The following APOBEC3B variants were observed in gnomAD, a reference collection of about 807,000 sequenced individuals.
APOBEC3B encodes the protein DNA dC->dU-editing enzyme APOBEC-3B.
A neutral mutation model predicts 53.4 loss-of-function variants in APOBEC3B; 29 were observed. The observed-to-expected ratio is 0.54, with a 90% CI of 0.40 to 0.74. The LOEUF (loss-of-function observed/expected upper bound fraction) is 0.74, where lower values mean the gene tolerates loss of function less well. APOBEC3B is among the 30% of genes least tolerant of loss of function. The pLI is 0.00. For missense variants in APOBEC3B, 347 were observed against 496.2 expected, an observed-to-expected ratio of 0.70 and a Z score of 2.86; for synonymous variants, 132 against 184.8, an observed-to-expected ratio of 0.71 and a Z score of 2.32.
intron 4 of APOBEC3B, among the ~76,000 whole-genome samples, chr22:38,988,750 T>TTTC (rs1312877921): frequency 7.1e-6 from 1 of 140,106 alleles, no homozygotes; most frequent in Non-Finnish European, 1.5e-5. Context: ...TCTTTCTTCC[T>TTTC]TTCTTCTCTC....
chr22:38,989,827 C>A (rs1923920944), intron 5 of APOBEC3B, among the ~76,000 whole-genome samples: 1 of 148,482 alleles, frequency 6.7e-6, no homozygotes, highest in African/African-American at 2.5e-5. Context: ...CAAAGTGCTT[C>A]CTGAGGACCC....
Position 38,983,162 on chromosome 22 carries a change from A to G in APOBEC3B, c.17+692A>G, listed in dbSNP as rs2078646436. ...TGAAACCCCGTCTCTACTAAAAAACATACAAAAATTAGCCAGGCATGGTGG... is the reference window on the plus strand; with the variant it reads ...TGAAACCCCGTCTCTACTAAAAAACGTACAAAAATTAGCCAGGCATGGTGG... On this transcript the variant is annotated intron_variant, in intron 1 of 7. Transcript: ENST00000333467. Among the ~76,000 whole-genome samples, 2 of 148,042 alleles carry G rather than the reference A, an allele frequency of 1.4e-5. 1 individual carries two copies. Among genetic ancestry groups the G allele is most frequent in the Admixed American group, 1.4e-4 (2 of 14,368 alleles).
intron 5 of APOBEC3B, among the ~76,000 whole-genome samples, chr22:38,990,078 T>C (rs1330176316): frequency 3.8e-5 from 2 of 52,860 alleles, no homozygotes; most frequent in Non-Finnish European, 7.3e-5. Flanking sequence ...TGGCCAGCAG[T>C]TGGGGAAGAA....
At chr22:38,982,574 G>A in intron 1 of APOBEC3B, 104 bp downstream of exon 1, 1 of 1,409,702 alleles carries the variant, frequency 7.1e-7, no homozygotes, top group African/African-American at 1.4e-5. Context: ...CCCAGCCCTG[G>A]GCTCCCTCCC....
rs889211924 is a variant in APOBEC3B, at chr22:38,983,508, C to T, written c.18-567C>T. On this transcript the variant is annotated intron_variant, in intron 1 of 7. Coordinates refer to ENST00000333467, the MANE Select transcript of APOBEC3B (RefSeq NM_004900.5). ...CCTGGAAAGGGGCCCCTGCTCCATC[C>T]GTCCCCAGCTCTGTGGCCTCGGCAG... is the stretch of plus-strand genomic sequence containing the variant. Among the ~76,000 whole-genome samples the T allele has an allele frequency of 1.3e-4, 19 of 148,502 alleles. 1 individual carries two copies. The highest frequency in any genetic ancestry group is 1.1e-3 in the South Asian group (5 of 4,522).
At chr22:38,987,647 C>G (rs941746016) in intron 4 of APOBEC3B, among the ~76,000 whole-genome samples, 3 of 148,396 alleles carry the variant, frequency 2.0e-5, no homozygotes, top group Non-Finnish European at 1.5e-5. Flanking sequence ...GGTCTCTGTA[C>G]CAGAAAATAA....
In APOBEC3B at chr22:38,989,630, G is replaced by A. The variant is rs1318325640; in HGVS notation, c.723+20G>A. 1.3e-6 allele frequency: 2 copies of A among 1,551,122 alleles called. No individual in the cohort carries two copies. The highest frequency in any genetic ancestry group is 2.6e-5 in the East Asian group (1 of 39,018). ...AACGAGGTGACCGACCCAGCCACCT[G>A]CATCCAGGCAGGGCCCTCCCAATCC... On this transcript the variant is annotated intron_variant, in intron 5 of 7. Coordinates refer to ENST00000333467, the MANE Select transcript of APOBEC3B (RefSeq NM_004900.5).
Position 38,986,325 on chromosome 22 carries a change from T to G in APOBEC3B, c.482T>G (p.Val161Gly). 6.3e-7 allele frequency: 1 copy of G among 1,593,742 alleles called. No homozygotes were observed. Among genetic ancestry groups the G allele is most frequent in the South Asian group, 1.1e-5 (1 of 88,792 alleles). The stretch of plus-strand genomic sequence containing the variant: ...TTTGCATACTGCTGGGAAAACTTTG[T>G]GTACAATGAAGGTCAGCAATTCATG... ...EEFAYCWENF[V>G]YNEGQQFMPW... Residue 161 changes from valine to glycine, a missense_variant, in exon 4 of 8, where the codon GTG becomes GGG. Coordinates refer to ENST00000333467, the MANE Select transcript of APOBEC3B (RefSeq NM_004900.5).
At chr22:38,987,845 C>T (rs753319856) in intron 4 of APOBEC3B, among the ~76,000 whole-genome samples, 2 of 148,458 alleles carry the variant, frequency 1.3e-5, no homozygotes, top group Non-Finnish European at 3.0e-5. Flanking sequence ...GCCTATAATC[C>T]TAGCTCTTTG....
At chr22:38,989,311 C>T (rs1923893458) in intron 4 of APOBEC3B, 146 bp from the exon 5 acceptor site, 1 of 674,084 alleles carries the variant, frequency 1.5e-6, no homozygotes, top group Non-Finnish European at 2.3e-6. Context: ...GGATCAGTGG[C>T]CCCCACAAAG....
chr22:38,988,681 T>TTCTCTCTTTCTCTCTCTCTC (rs58110435), intron 4 of APOBEC3B, among the ~76,000 whole-genome samples: 3 of 63,628 alleles, frequency 4.7e-5, no homozygotes, highest in African/African-American at 6.3e-5. Flanking sequence ...CTTTCTCTCT[T>TTCTCTCTTTCTCTCTCTCTC]TCTCTTTCTT....
intron 4 of APOBEC3B, among the ~76,000 whole-genome samples, chr22:38,988,396 G>A (rs1923822197): frequency 6.7e-6 from 1 of 148,858 alleles, no homozygotes; most frequent in African/African-American, 2.4e-5. Context: ...CTTTAAATGA[G>A]CATCTACTAT....
chr22:38,985,060 C>T (rs1193160881), intron 2 of APOBEC3B, among the ~76,000 whole-genome samples: 1 of 147,424 alleles, frequency 6.8e-6, no homozygotes, highest in Non-Finnish European at 1.5e-5. Flanking sequence ...TGCCACCACG[C>T]CCAGTTAATT....
At chr22:38,992,211 T>A (rs5757414) in intron 7 of APOBEC3B, 62 bp downstream of exon 7, 2 of 1,527,694 alleles carry the variant, frequency 1.3e-6, no homozygotes, top group South Asian at 2.4e-5. Flanking sequence ...CGCTCCCCTG[T>A]GCCTTGCCTT....
At chr22:38,983,044 C>A (rs1428522521) in intron 1 of APOBEC3B, among the ~76,000 whole-genome samples, 3 of 148,262 alleles carry the variant, frequency 2.0e-5, no homozygotes, top group African/African-American at 7.4e-5. Flanking sequence ...AGTGGTTGAG[C>A]GTGGTGGCTC....
At chr22:38,986,687 C>CGCT (rs1446018380) in intron 4 of APOBEC3B, among the ~76,000 whole-genome samples, 1 of 148,946 alleles carries the variant, frequency 6.7e-6, no homozygotes, top group Non-Finnish European at 1.5e-5. Context: ...GGACACCAGC[C>CGCT]GCTGCCCTTC....
In APOBEC3B at chr22:38,991,457, C is replaced by T. The variant is rs536389154; in HGVS notation, c.849C>T (p.Pro283=). ...TCACTTGGTTCATCTCCTGGAGCCC[C>T]TGCTTCTCCTGGGGCTGTGCCGGGG... ...YRVTWFISWS[P]CFSWGCAGEV... is the part of the protein sequence containing the mutation. The change falls in exon 6 of 8, where the codon CCC becomes CCT. Residue 283 remains proline, a synonymous_variant. Transcript: ENST00000333467. The T allele has an allele frequency of 1.3e-5, 20 of 1,592,232 alleles. No homozygotes were observed. The African/African-American group carries it at 2.4e-4, about 19-fold the overall frequency.
chr22:38,992,296 C>T (rs1924041336), intron 7 of APOBEC3B, 135 bp from the exon 8 acceptor site: 7 of 1,535,184 alleles, frequency 4.6e-6, no homozygotes, highest in African/African-American at 2.8e-5. Context: ...CTTTCCTTCT[C>T]ACAGCCTCCT....
At chr22:38,989,819 A>G (rs1466704449) in intron 5 of APOBEC3B, among the ~76,000 whole-genome samples, 1 of 148,378 alleles carries the variant, frequency 6.7e-6, no homozygotes, top group Non-Finnish European at 1.5e-5. Flanking sequence ...CCCAATGGCA[A>G]AGTGCTTCCT....
Sources: allele counts gnomAD v4.1 joint callset (sites outside exome capture counted in the v4.1 genomes callset), GRCh38; gene constraint gnomAD v4.1.1; transcripts MANE v1.5; gene names NCBI Gene and HGNC (gene_info 2026-07-23, HGNC 2026-07-21).